TMEM116: variants seen among roughly 807,000 people sequenced by gnomAD.
TMEM116 encodes the protein transmembrane protein 116.
A neutral mutation model predicts 44.3 loss-of-function variants in TMEM116; 38 were observed. That is an observed-to-expected ratio of 0.86 (90% CI 0.66 to 1.12). The LOEUF (loss-of-function observed/expected upper bound fraction) is 1.12, where lower values mean the gene tolerates loss of function less well. Ranked by LOEUF, TMEM116 falls within the 50% of genes most tolerant of loss-of-function variation. The probability of loss-of-function intolerance (pLI) is 0.00; values close to 1 mark genes in which losing one functional copy is unlikely to be tolerated. For missense variants in TMEM116, 354 were observed against 401.7 expected (o/e 0.88, Z 1.01); for synonymous variants, 132 against 144.8 (o/e 0.91, Z 0.64).
intron 1 of TMEM116, among the ~76,000 whole-genome samples, chr12:112,008,166 G>A (rs561413247): frequency 9.2e-5 from 14 of 152,262 alleles, no homozygotes; most frequent in African/African-American, 2.9e-4. Context: ...CAGCCTGAGC[G>A]ACAGAGTGAA....
chr12:112,005,546 G>A, intron 1 of TMEM116: 2 of 465,376 alleles, frequency 4.3e-6, no homozygotes, highest in Non-Finnish European at 6.1e-6. Context: ...ATAGAGATGT[G>A]GATTGAAAAA....
intron 4 of TMEM116, among the ~76,000 whole-genome samples, chr12:111,956,114 A>G (rs1005555688): frequency 6.6e-6 from 1 of 152,214 alleles, no homozygotes; most frequent in African/African-American, 2.4e-5. Context: ...CTTCTGTTCC[A>G]GTTCAGTGAA....
At chr12:111,997,959 A>G (rs2136673330) in intron 3 of TMEM116, among the ~76,000 whole-genome samples, 1 of 152,348 alleles carries the variant, frequency 6.6e-6, no homozygotes, top group East Asian at 1.9e-4. Context: ...TCATAAGTTT[A>G]TAACTGTTAA....
intron 8 of TMEM116, chr12:111,936,263 G>A (rs989304554): frequency 6.5e-6 from 1 of 153,368 alleles, no homozygotes; most frequent in Non-Finnish European, 1.5e-5. Context: ...TTTAGCCCCA[G>A]TTAGACATAG....
In TMEM116 at chr12:111,998,303, T is replaced by C. The variant is rs7954615; in HGVS notation, c.78+5497A>G. 9.7e-3 allele frequency among the ~76,000 whole-genome samples: 1,479 copies of C among 152,336 alleles called. 16 individuals carry two copies. Among genetic ancestry groups the C allele is most frequent in the African/African-American group, 0.034 (1,422 of 41,570 alleles). ...AGATCAAACTGGTCTCAGGGTTACA[T>C]TGGACTATTTTAGTAGCTGGGCTTG... On this transcript the variant is annotated intron_variant, in intron 3 of 10. Transcript: ENST00000552374.
intron 5 of TMEM116, among the ~76,000 whole-genome samples, chr12:111,940,565 G>T (rs145449355): frequency 2.3e-5 from 3 of 127,926 alleles, no homozygotes; most frequent in Non-Finnish European, 3.1e-5. Flanking sequence ...ATATATATGT[G>T]TGTATATATA....
intron 4 of TMEM116, among the ~76,000 whole-genome samples, chr12:111,972,748 G>A (rs1023042931): frequency 4.0e-5 from 6 of 150,602 alleles, no homozygotes; most frequent in South Asian, 2.1e-4. Context: ...GTGTGGTGGC[G>A]TGTGCCTATA....
At chr12:111,933,849 C>T (rs2071880598) in intron 9 of TMEM116, 37 bp downstream of exon 9, 1 of 1,610,964 alleles carries the variant, frequency 6.2e-7, no homozygotes, top group Non-Finnish European at 8.5e-7. Flanking sequence ...TAATAACTGC[C>T]CTCTTCACTG....
chr12:112,000,715 T>C, intron 3 of TMEM116: 1 of 530,628 alleles, frequency 1.9e-6, no homozygotes, highest in Non-Finnish European at 3.9e-6. Context: ...CTCTTCTGAG[T>C]CTCCATTTCC....
Position 111,936,815 on chromosome 12 carries a change from G to C in TMEM116, c.465C>G (p.His155Gln). 6.2e-7 allele frequency: 1 copy of C among 1,607,318 alleles called. No individual in the cohort carries two copies. Among genetic ancestry groups the C allele is most frequent in the Non-Finnish European group, 8.5e-7 (1 of 1,176,818 alleles). The change falls in exon 8 of 11, where the codon CAC becomes CAG. Residue 155 changes from histidine to glutamine, a missense_variant. His to Gln is a conservative substitution (Grantham distance 24, BLOSUM62 0). Coordinates refer to ENST00000552374, the MANE Select transcript of TMEM116 (RefSeq NM_001193531.2). ...FSQSHKCILM[H>Q]SPPSAMAELP... ...GTTCAGCCATGGCTGATGGTGGTGA[G>C]TGCATCAAGATACACCTAGGAAGAA...
chr12:111,994,869 A>G (rs535210755), intron 3 of TMEM116, among the ~76,000 whole-genome samples: 1 of 152,304 alleles, frequency 6.6e-6, no homozygotes, highest in Non-Finnish European at 1.5e-5. Flanking sequence ...GTGGCAAGAT[A>G]AGGGCGTTTA....
chr12:111,945,327 G>C (rs1468923456), intron 4 of TMEM116, among the ~76,000 whole-genome samples: 2 of 104,578 alleles, frequency 1.9e-5, no homozygotes, highest in African/African-American at 3.9e-5. Flanking sequence ...CTGGGCAACA[G>C]AGCTAGACTC....
chr12:112,003,123 T>A (rs1461501534), intron 3 of TMEM116, among the ~76,000 whole-genome samples: 1 of 152,222 alleles, frequency 6.6e-6, no homozygotes, highest in Non-Finnish European at 1.5e-5. Flanking sequence ...AACTATCTCC[T>A]AGTCCCAGTA....
At chr12:111,943,973 A>G (rs2073059492) in intron 4 of TMEM116, among the ~76,000 whole-genome samples, 1 of 152,162 alleles carries the variant, frequency 6.6e-6, no homozygotes, top group Non-Finnish European at 1.5e-5. Flanking sequence ...ATATCATATA[A>G]TCTTTTTCTA....
At chr12:111,988,713 C>T (rs1454394370) in intron 4 of TMEM116, among the ~76,000 whole-genome samples, 3 of 149,792 alleles carry the variant, frequency 2.0e-5, no homozygotes, top group Admixed American at 1.3e-4. Flanking sequence ...ACGAACAGGC[C>T]GGGCGCGGTG....
chr12:111,957,293 A>G (rs1018763689), intron 4 of TMEM116, among the ~76,000 whole-genome samples: 4 of 150,786 alleles, frequency 2.7e-5, no homozygotes, highest in African/African-American at 9.8e-5. Context: ...CCGTCTGGGA[A>G]CTGAGGAGTG....
chr12:111,936,146 G>C (rs1027570742), intron 8 of TMEM116: 3 of 152,112 alleles, frequency 2.0e-5, no homozygotes, highest in African/African-American at 7.2e-5. Context: ...TACTGCTTTT[G>C]TATGAGGCAG....
intron 9 of TMEM116, among the ~76,000 whole-genome samples, 199 bp downstream of exon 9, chr12:111,933,687 G>A (rs951969489): frequency 3.3e-5 from 5 of 150,184 alleles, no homozygotes; most frequent in Non-Finnish European, 7.4e-5. Flanking sequence ...TAGTAGAGAC[G>A]GGGTTTCACT....
chr12:111,971,148 G>A (rs1324726525), intron 4 of TMEM116, among the ~76,000 whole-genome samples: 1 of 152,104 alleles, frequency 6.6e-6, no homozygotes. Context: ...TACAAGAAAT[G>A]TTAAAGGGTG....
Sources: gnomAD v4.1 joint callset for allele counts (sites outside exome capture counted in the v4.1 genomes callset) on GRCh38, gnomAD v4.1.1 for gene constraint, MANE v1.5 for transcripts, NCBI Gene and HGNC (gene_info 2026-07-23, HGNC 2026-07-21) for gene names.